Variants in UTP4 observed in about 807,000 individuals in gnomAD.
UTP4 encodes the protein U3 small nucleolar RNA-associated protein 4 homolog.
Under a neutral mutation model 82.4 loss-of-function variants are expected in UTP4, and 45 were observed. The observed-to-expected ratio is 0.55, with a 90% CI of 0.43 to 0.70. UTP4 has a LOEUF of 0.70. Among genes scored for constraint, UTP4 ranks in the 30% least tolerant of loss-of-function variants. The pLI is 0.00. For missense variants in UTP4, 819 were observed against 858.3 expected (o/e 0.95, Z 0.57); for synonymous variants, 348 against 300.3 (o/e 1.16, Z -1.64).
chr16:69,138,440 G>A (rs889163632), intron 4 of UTP4, among the ~76,000 whole-genome samples: 1 of 152,142 alleles, frequency 6.6e-6, no homozygotes, highest in East Asian at 1.9e-4. Context: ...ATTTCACCAT[G>A]TTGGCCAGGC....
chr16:69,160,752 A>C (rs1014256257), intron 13 of UTP4, among the ~76,000 whole-genome samples: 2 of 151,426 alleles, frequency 1.3e-5, no homozygotes, highest in African/African-American at 4.9e-5. Context: ...GTGTGCCTCC[A>C]CACCTGGCTA....
At chr16:69,163,977 C>G (rs1427914038) in intron 14 of UTP4, among the ~76,000 whole-genome samples, 1 of 150,054 alleles carries the variant, frequency 6.7e-6, no homozygotes, top group African/African-American at 2.5e-5. Context: ...GCTCCGCCTT[C>G]CGGGTTCATG....
At chr16:69,137,385 A>G (rs1185166412) in intron 3 of UTP4, among the ~76,000 whole-genome samples, 1 of 152,194 alleles carries the variant, frequency 6.6e-6, no homozygotes. Context: ...CAGATCTTTA[A>G]TTCTGTGATG....
At position 69,138,789 on chromosome 16, in the gene UTP4, G is replaced by A. The variant is rs141830208; in HGVS notation, c.436+904G>A. On this transcript the variant is annotated intron_variant, in intron 4 of 16. Transcript: ENST00000314423. Reference sequence around the variant, plus strand: ...ATACTGAAACTAATGGGCAGGCTGTGCTCCAGTAAAAACTTTATTTACAAA... The same window carrying A: ...ATACTGAAACTAATGGGCAGGCTGTACTCCAGTAAAAACTTTATTTACAAA... Among the ~76,000 whole-genome samples the A allele has an allele frequency of 2.1e-3, 314 of 152,264 alleles. 1 individual carries two copies. Among genetic ancestry groups the A allele is most frequent in the African/African-American group, 7.3e-3 (303 of 41,548 alleles).
chr16:69,168,687 G>A, intron 16 of UTP4, 134 bp from the exon 17 acceptor site: 1 of 744,746 alleles, frequency 1.3e-6, no homozygotes, highest in South Asian at 1.5e-5. Flanking sequence ...AGGAAAGATT[G>A]TCAAGAAATT....
intron 12 of UTP4, among the ~76,000 whole-genome samples, chr16:69,159,668 C>A (rs1408667139): frequency 6.6e-6 from 1 of 150,770 alleles, no homozygotes; most frequent in Non-Finnish European, 1.5e-5. Flanking sequence ...AGCCTGACAA[C>A]AGAGTGAGAC....
intron 3 of UTP4, 98 bp from the exon 4 acceptor site, chr16:69,137,703 G>T: frequency 1.3e-6 from 1 of 757,634 alleles, no homozygotes; most frequent in African/African-American, 1.7e-5. Flanking sequence ...GAGGAAGAGA[G>T]AATAGAGAGA....
At chr16:69,165,968 C>T (rs1357356619) in intron 15 of UTP4, 1 of 286,484 alleles carries the variant, frequency 3.5e-6, no homozygotes, top group Non-Finnish European at 6.8e-6. Flanking sequence ...CTCTGTGCCC[C>T]TTCGCTAAAG....
intron 13 of UTP4, among the ~76,000 whole-genome samples, chr16:69,161,477 G>C (rs1364126800): frequency 1.3e-5 from 2 of 152,192 alleles, no homozygotes; most frequent in African/African-American, 4.8e-5. Context: ...TGTGTGTAGC[G>C]TGCACATGCT....
chr16:69,158,976 A>C (rs912671473), intron 12 of UTP4, among the ~76,000 whole-genome samples: 18 of 152,184 alleles, frequency 1.2e-4, no homozygotes, highest in Non-Finnish European at 2.2e-4. Flanking sequence ...ATCCTCCCTT[A>C]GTGCTAAATA....
chr16:69,157,318 G>C (rs756814374), intron 12 of UTP4, 78 bp downstream of exon 12: 2 of 1,451,172 alleles, frequency 1.4e-6, no homozygotes, highest in East Asian at 4.8e-5. Flanking sequence ...CCTCCATGTC[G>C]GGGGTTCCCT....
At chr16:69,165,234 TA>T in intron 14 of UTP4, 106 bp from the exon 15 acceptor site, 1 of 913,644 alleles carries the variant, frequency 1.1e-6, no homozygotes, top group Non-Finnish European at 1.7e-6. Context: ...AGAATGAATA[TA>T]ATACAGTTGA....
Position 69,154,412 on chromosome 16 carries a change from T to C in UTP4, c.1119T>C (p.Leu373=). 1 of 1,612,628 alleles carries C rather than the reference T, an allele frequency of 6.2e-7. No homozygotes were observed. Among genetic ancestry groups the C allele is most frequent in the Non-Finnish European group, 8.5e-7 (1 of 1,178,694 alleles). Residue 373 remains leucine (L), a synonymous_variant, in exon 10 of 17, where the codon CTT becomes CTC. Transcript: ENST00000314423. The stretch of plus-strand genomic sequence containing the variant: ...TTTCAGGCAAGAATGGGGATACTCT[T>C]CCACTCTCTAAAAATGCAGATCATT... ...TVATGKNGDT[L]PLSKNADHLL...
intron 11 of UTP4, 80 bp downstream of exon 11, chr16:69,156,073 G>A: frequency 7.2e-7 from 1 of 1,395,538 alleles, no homozygotes; most frequent in East Asian, 2.3e-5. Flanking sequence ...GAAATCAACT[G>A]GATGTGAATC....
chr16:69,154,492 C>A, intron 10 of UTP4, 35 bp downstream of exon 10: 1 of 1,455,966 alleles, frequency 6.9e-7, no homozygotes, highest in Non-Finnish European at 9.6e-7. Context: ...AATTCTAGAG[C>A]CTGAATTCTA....
intron 15 of UTP4, 97 bp from the exon 16 acceptor site, chr16:69,166,978 T>G (rs1226453056): frequency 1.2e-6 from 1 of 823,892 alleles, no homozygotes; most frequent in Admixed American, 1.8e-5. Flanking sequence ...ATATGATGGT[T>G]AGAAGATGAT....
rs8056684 is a variant in UTP4 at position 69,157,109 on chromosome 16, G to T, written c.1313G>T (p.Arg438Leu). 3.1e-6 allele frequency: 5 copies of T among 1,614,088 alleles called. No homozygotes were observed. The highest frequency in any genetic ancestry group is 3.4e-6 in the Non-Finnish European group (4 of 1,180,030). Residue 438 changes from arginine to leucine, a missense_variant, in exon 12 of 17, where the codon CGC becomes CTC. Transcript: ENST00000314423. ...GTTTCCAAAATGCCAGCATTCCTTCGCTCTGCCCTTCAGATTTTGTTTTCT... is the reference window on the plus strand; with the variant it reads ...GTTTCCAAAATGCCAGCATTCCTTCTCTCTGCCCTTCAGATTTTGTTTTCT... Reference protein sequence around the residue: ...KRVSKMPAFLRSALQILFSED... With the variant: ...KRVSKMPAFLLSALQILFSED...
intron 6 of UTP4, 82 bp from the exon 7 acceptor site, chr16:69,150,455 C>T (rs1171716113): frequency 2.0e-6 from 3 of 1,493,194 alleles, no homozygotes; most frequent in South Asian, 1.1e-5. Context: ...CCCTAAGCTG[C>T]TGAGACAGAA....
rs1555535536 is a variant in UTP4 at position 69,136,825 on chromosome 16, A to G, written c.289A>G (p.Met97Val). The G allele has an allele frequency of 5.6e-6, 9 of 1,614,196 alleles. No homozygotes were observed. Among genetic ancestry groups the G allele is most frequent in the Middle Eastern group, 1.6e-4 (1 of 6,062 alleles). ...ACAGGCGTTAAACATCAAGTATGCT[A>G]TGGATGCCTTTGGAGGACCTATTTG... ...DLQALNIKYAMDAFGGPIWSM... is the reference protein window; with the variant it reads ...DLQALNIKYAVDAFGGPIWSM... Residue 97 changes from methionine (M) to valine (V), a missense_variant, in exon 3 of 17, where the codon ATG becomes GTG. Coordinates refer to ENST00000314423, the MANE Select transcript of UTP4 (RefSeq NM_032830.3).
Sources: allele counts gnomAD v4.1 joint callset (sites outside exome capture counted in the v4.1 genomes callset), GRCh38; gene constraint gnomAD v4.1.1; transcripts MANE v1.5; gene names NCBI Gene and HGNC (gene_info 2026-07-23, HGNC 2026-07-21).